The following NSMF variants were observed in gnomAD, a reference collection of about 807,000 sequenced individuals.
The protein encoded by NSMF is NMDA receptor synaptonuclear signaling and neuronal migration factor, also known as nasal embryonic LHRH factor.
In NSMF, 31 loss-of-function variants were observed where a neutral mutation model predicts 71.0. The observed-to-expected ratio is 0.44, with a 90% CI of 0.33 to 0.59. The LOEUF (loss-of-function observed/expected upper bound fraction) is 0.59, where lower values mean the gene tolerates loss of function less well. Among genes scored for constraint, NSMF ranks in the 20% least tolerant of loss-of-function variants. The pLI, the probability that NSMF is intolerant of heterozygous loss-of-function variation, is 0.04. For synonymous variants in NSMF, 345 were observed against 287.1 expected, an observed-to-expected ratio of 1.20 and a Z score of -2.04; for missense variants, 673 against 740.5, an observed-to-expected ratio of 0.91 and a Z score of 1.06.
At chr9:137,450,096 A>T (rs771021519) in intron 13 of NSMF, 71 bp from the exon 14 acceptor site, 21 of 1,579,830 alleles carry the variant, frequency 1.3e-5, no homozygotes, top group Non-Finnish European at 1.8e-5. Flanking sequence ...ACCGTGGAGG[A>T]GGGGCTGTGG....
At chr9:137,458,030 C>T in intron 2 of NSMF, 129 bp from the exon 3 acceptor site, 1 of 1,333,794 alleles carries the variant, frequency 7.5e-7, no homozygotes, top group Non-Finnish European at 1.0e-6. Context: ...TGCCCAAACC[C>T]TAGTCACTGG....
At chr9:137,454,612 T>C (rs1233560376) in intron 6 of NSMF, 169 bp from the exon 7 acceptor site, 7 of 1,542,468 alleles carry the variant, frequency 4.5e-6, no homozygotes, top group Non-Finnish European at 6.1e-6. Flanking sequence ...TCCCACCCAG[T>C]GCTCTTCCCG....
At chr9:137,454,575 T>TGGCACCACCTCCC in intron 6 of NSMF, 132 bp from the exon 7 acceptor site, 6 of 1,547,558 alleles carry the variant, frequency 3.9e-6, no homozygotes, top group Non-Finnish European at 5.2e-6. Context: ...CCCTGGCTCC[T>TGGCACCACCTCCC]GGCACCACCT....
intron 6 of NSMF, 161 bp downstream of exon 6, chr9:137,455,078 G>A (rs780104430): frequency 1.4e-5 from 11 of 810,356 alleles, no homozygotes; most frequent in Admixed American, 3.9e-5. Flanking sequence ...CCTGCAGCCC[G>A]GGCCACATGG....
In NSMF at chr9:137,458,384, C is replaced by T. The variant is rs1830970640; in HGVS notation, c.133+104G>A. Reference sequence around the variant, plus strand: ...AGCCAGGCCGGCAGGGCGCCGGGCCCACGCGCAACCAATGCCCCTCACGCT... The same window carrying T: ...AGCCAGGCCGGCAGGGCGCCGGGCCTACGCGCAACCAATGCCCCTCACGCT... On this transcript the variant is annotated intron_variant, in intron 2 of 15. Transcript: ENST00000371475. The T allele has an allele frequency of 1.0e-5, 11 of 1,054,370 alleles. No homozygotes were observed. The South Asian group carries it at 1.5e-4, about 14-fold the overall frequency. The allele number at this position is 1,054,370 out of a possible 1,614,324, so 65.3% of individuals were successfully genotyped here.
chr9:137,457,939 G>A (rs1289644067), intron 2 of NSMF, 38 bp from the exon 3 acceptor site: 1 of 1,536,364 alleles, frequency 6.5e-7, no homozygotes, highest in East Asian at 2.4e-5. Flanking sequence ...TGCCGCGTGT[G>A]GGCCCCCCGC....
At position 137,453,435 on chromosome 9, in the gene NSMF, G is replaced by A. The variant is rs947119996; in HGVS notation, c.923-255C>T. 3 of 608,614 alleles carry A rather than the reference G, an allele frequency of 4.9e-6. No homozygotes were observed. Among genetic ancestry groups the A allele is most frequent in the Admixed American group, 3.0e-5 (1 of 33,592 alleles). 37.7% of individuals were successfully genotyped at this position (608,614 alleles called of 1,614,324 possible). A position where few individuals can be genotyped will look rare whatever the true frequency, so the allele number is the denominator to read the frequency against. ...GCAGGCATCAGCTCCAGCCAAGTCC[G>A]CCGGGCGCCTGGGAGGGAGTGGGGG... On this transcript the variant is annotated intron_variant, in intron 8 of 15. Transcript: ENST00000371475. The surrounding 1 kb of genome is among the most constrained non-coding windows in gnomAD (Gnocchi z 4.5).
At chr9:137,454,692 T>G in intron 6 of NSMF, 1 of 1,519,154 alleles carries the variant, frequency 6.6e-7, no homozygotes, top group Non-Finnish European at 8.8e-7. Flanking sequence ...GGATCAAGTC[T>G]CCTCCCGAGC....
In NSMF at chr9:137,457,688, G is replaced by T; in HGVS notation, c.347C>A (p.Ala116Glu). The change falls in exon 3 of 16, where the codon GCG (alanine) becomes GAG (glutamate). Residue 116 changes from alanine (A) to glutamate (E), a missense_variant. Around this residue, in one of 2 missense-constraint regions of NSMF, gnomAD observed 471 missense variants for 459.6 expected, o/e 1.02. Coordinates refer to ENST00000371475, the MANE Select transcript of NSMF (RefSeq NM_001130969.3). ...GEPALLPSPE[A>E]EAIELAVVKG... ...CACCACCGCCAGCTCAATGGCCTCC[G>T]CCTCAGGGCTGGGCAGCAGGGCAGG... 1 of 1,551,614 alleles carries T rather than the reference G, an allele frequency of 6.4e-7. No homozygotes were observed. Among genetic ancestry groups the T allele is most frequent in the East Asian group, 2.4e-5 (1 of 41,104 alleles).
intron 13 of NSMF, 67 bp from the exon 14 acceptor site, chr9:137,450,092 G>A (rs746981946): frequency 1.9e-6 from 3 of 1,587,200 alleles, no homozygotes; most frequent in East Asian, 4.5e-5. Context: ...GCGGACCGTG[G>A]AGGAGGGGCT....
chr9:137,455,367 C>T (rs753398060), intron 5 of NSMF, 60 bp from the exon 6 acceptor site: 12 of 1,578,256 alleles, frequency 7.6e-6, no homozygotes, highest in South Asian at 5.5e-5. Flanking sequence ...ACACAGACGT[C>T]GGGACAGTGG....
chr9:137,454,262 G>C (rs1328665356), intron 7 of NSMF, 129 bp downstream of exon 7: 4 of 908,272 alleles, frequency 4.4e-6, no homozygotes, highest in Admixed American at 4.0e-5. Flanking sequence ...TGGCTGGAAG[G>C]GGAGGAGCCT....
chr9:137,449,580 C>T lies in NSMF; in HGVS notation c.1495+19G>A. On this transcript the variant is annotated intron_variant, in intron 15 of 15. Coordinates refer to ENST00000371475, the MANE Select transcript of NSMF (RefSeq NM_001130969.3). ...CCCCGCAGTGGCTGCAGAGCTTCGGCCCAGCCTGGGTAACTCACCTTGGGC... is the reference window on the plus strand; with the variant it reads ...CCCCGCAGTGGCTGCAGAGCTTCGGTCCAGCCTGGGTAACTCACCTTGGGC... The T allele has an allele frequency of 6.2e-7, 1 of 1,611,728 alleles. No homozygotes were observed. Among genetic ancestry groups the T allele is most frequent in the Non-Finnish European group, 8.5e-7 (1 of 1,179,390 alleles).
In NSMF at chr9:137,448,921, C is replaced by T. The variant is rs1161593036; in HGVS notation, c.*473G>A. On this transcript the variant is annotated 3_prime_UTR_variant, in exon 16 of 16. Coordinates refer to ENST00000371475, the MANE Select transcript of NSMF (RefSeq NM_001130969.3). This position sits in a 1 kb window ranked among gnomAD's most constrained non-coding sequence, Gnocchi z 5.3. ...GCCACCCTGGTGCTGGTGATCGATACGGCAGGGAGGGGGTGGGCAGGGAGG... is the reference window on the plus strand; with the variant it reads ...GCCACCCTGGTGCTGGTGATCGATATGGCAGGGAGGGGGTGGGCAGGGAGG... 4.4e-5 allele frequency: 11 copies of T among 250,292 alleles called. No homozygotes were observed. Among genetic ancestry groups the T allele is most frequent in the East Asian group, 1.2e-4 (1 of 8,490 alleles). The allele number at this position is 250,292 out of a possible 1,614,324, so 15.5% of individuals were successfully genotyped here.
intron 6 of NSMF, chr9:137,454,705 C>T: frequency 6.6e-7 from 1 of 1,513,586 alleles, no homozygotes; most frequent in Non-Finnish European, 8.8e-7. Flanking sequence ...TCCCGAGCTG[C>T]ATTCCCAGGC....
In NSMF at chr9:137,457,739, G is replaced by T; in HGVS notation, c.296C>A (p.Pro99His). ...IRKPAGEGPQ[P>H]RVYTISGEPA... The stretch of plus-strand genomic sequence containing the variant: ...CTCCCCAGAGATGGTGTACACTCGA[G>T]GCTGAGGGCCCTCGCCTGCGGGCTT... Residue 99 changes from proline (P) to histidine (H), a missense_variant, in exon 3 of 16, where the codon CCT becomes CAT. Coordinates refer to ENST00000371475, the MANE Select transcript of NSMF (RefSeq NM_001130969.3). 4 of 1,557,918 alleles carry T rather than the reference G, an allele frequency of 2.6e-6. No homozygotes were observed. Among genetic ancestry groups the T allele is most frequent in the Non-Finnish European group, 3.5e-6 (4 of 1,150,998 alleles).
chr9:137,453,563 G>C lies in NSMF; in HGVS notation c.922+168C>G, dbSNP rs1830659180. ...CACTGCCGCGGCCGTTGTTAGCCCC[G>C]CCTTTGCGATCGGAGATGCTGAGGG... On this transcript the variant is annotated intron_variant, in intron 8 of 15. Coordinates refer to ENST00000371475, the MANE Select transcript of NSMF (RefSeq NM_001130969.3). This position sits in a 1 kb window ranked among gnomAD's most constrained non-coding sequence, Gnocchi z 4.5. The C allele has an allele frequency of 6.3e-6, 4 of 633,636 alleles. No individual in the cohort carries two copies. The East Asian group carries it at 1.1e-4, about 18-fold the overall frequency. The allele number at this position is 633,636 out of a possible 1,614,324, so 39.3% of individuals were successfully genotyped here.
rs1169327994 is a variant in NSMF at position 137,449,127 on chromosome 9, G to A, written c.*267C>T. ...GATGCCCACAGCTGAGCCTCCAGGC[G>A]AGGCATGGCAGGTCAGTGCCTGGCC... On this transcript the variant is annotated 3_prime_UTR_variant, in exon 16 of 16. Transcript: ENST00000371475. 9 of 576,336 alleles carry A rather than the reference G, an allele frequency of 1.6e-5. No homozygotes were observed. Among genetic ancestry groups the A allele is most frequent in the African/African-American group, 3.7e-5 (2 of 53,436 alleles). 35.7% of individuals were successfully genotyped at this position (576,336 alleles called of 1,614,324 possible). A position where few individuals can be genotyped will look rare whatever the true frequency, so the allele number is the denominator to read the frequency against.
chr9:137,449,169 C>T lies in NSMF; in HGVS notation c.*225G>A. 1 of 595,772 alleles carries T rather than the reference C, an allele frequency of 1.7e-6. No homozygotes were observed. Among genetic ancestry groups the T allele is most frequent in the Non-Finnish European group, 3.0e-6 (1 of 332,896 alleles). 36.9% of individuals were successfully genotyped at this position (595,772 alleles called of 1,614,324 possible). A position where few individuals can be genotyped will look rare whatever the true frequency, so the allele number is the denominator to read the frequency against. On this transcript the variant is annotated 3_prime_UTR_variant, in exon 16 of 16. Transcript: ENST00000371475. ...TGCCTGGCCGCTGAGCATCCACGGG[C>T]CACAGGGCGGGATCCTCCCGGCCCC...
Sources: allele counts gnomAD v4.1 joint callset, GRCh38; gene constraint gnomAD v4.1.1; regional missense constraint gnomAD v4.1.1; non-coding constraint Gnocchi (gnomAD v3.1); transcripts MANE v1.5; gene names NCBI Gene and HGNC (gene_info 2026-07-23, HGNC 2026-07-21).